BACE2: variants seen among roughly 807,000 people sequenced by gnomAD.
BACE2 encodes the protein beta-secretase 2.
In BACE2, 17 loss-of-function variants were observed where a neutral mutation model predicts 46.2. That is an observed-to-expected ratio of 0.37 (90% confidence interval 0.25 to 0.55). The LOEUF is 0.55. Among genes scored for constraint, BACE2 ranks in the 20% least tolerant of loss-of-function variants. The probability of loss-of-function intolerance (pLI) is 0.82; values close to 1 mark genes in which losing one functional copy is unlikely to be tolerated. For synonymous variants in BACE2, 277 were observed against 295.9 expected (o/e 0.94, Z 0.66); for missense variants, 595 against 698.1 (o/e 0.85, Z 1.66).
intron 8 of BACE2, 121 bp from the exon 9 acceptor site, chr21:41,275,250 C>A: frequency 7.1e-7 from 1 of 1,404,950 alleles, no homozygotes; most frequent in Non-Finnish European, 9.8e-7. Flanking sequence ...GCTGTCTAAG[C>A]CACTGGGACC....
At chr21:41,275,109 G>A (rs2088471381) in intron 8 of BACE2, among the ~76,000 whole-genome samples, 3 of 152,134 alleles carry the variant, frequency 2.0e-5, no homozygotes, top group Admixed American at 1.3e-4. Context: ...GCTTCCATAT[G>A]TGCCCTGCTG....
intron 8 of BACE2, among the ~76,000 whole-genome samples, chr21:41,258,513 A>C (rs1475740575): frequency 6.6e-6 from 1 of 152,210 alleles, no homozygotes; most frequent in Non-Finnish European, 1.5e-5. Context: ...CAGGAGGGAG[A>C]GATTTCAGTT....
intron 1 of BACE2, among the ~76,000 whole-genome samples, chr21:41,211,242 T>G (rs1007739156): frequency 6.7e-6 from 1 of 148,564 alleles, no homozygotes; most frequent in Non-Finnish European, 1.5e-5. Flanking sequence ...AGCCCAGGTA[T>G]CCATGTGTCT....
chr21:41,240,892 T>C (rs1020954440), intron 3 of BACE2, among the ~76,000 whole-genome samples: 1 of 152,208 alleles, frequency 6.6e-6, no homozygotes, highest in South Asian at 2.1e-4. Flanking sequence ...GTTTTAGTTC[T>C]CACGGATAGT....
At chr21:41,209,117 A>T (rs1006502197) in intron 1 of BACE2, among the ~76,000 whole-genome samples, 1 of 152,178 alleles carries the variant, frequency 6.6e-6, no homozygotes, top group African/African-American at 2.4e-5. Context: ...TGCTGAACAC[A>T]CCGCCAGGCC....
chr21:41,189,543 C>T (rs1049973806), intron 1 of BACE2, among the ~76,000 whole-genome samples: 1 of 152,080 alleles, frequency 6.6e-6, no homozygotes, highest in African/African-American at 2.4e-5. Context: ...TTTCTGCTTC[C>T]TGCTTTTTAT....
In BACE2 at chr21:41,193,359, G is replaced by A. The variant is rs1490566158; in HGVS notation, c.312+24784G>A. Among the ~76,000 whole-genome samples, 2 of 152,218 alleles carry A rather than the reference G, an allele frequency of 1.3e-5. No homozygotes were observed. Among genetic ancestry groups the A allele is most frequent in the Admixed American group, 6.5e-5 (1 of 15,286 alleles). ...TTGCTCAAGCAATGAAACCACATCT[G>A]GTACAGCAGCTGCAATTGGAGTCAC... On this transcript the variant is annotated intron_variant, in intron 1 of 8. Transcript: ENST00000330333. This position sits in a 1 kb window ranked among gnomAD's most constrained non-coding sequence, Gnocchi z 4.2.
At chr21:41,203,558 A>C (rs1986029695) in intron 1 of BACE2, among the ~76,000 whole-genome samples, 1 of 152,096 alleles carries the variant, frequency 6.6e-6, no homozygotes, top group South Asian at 2.1e-4. Flanking sequence ...GGAAACGCCA[A>C]ATGGAGATGC....
At chr21:41,244,463 G>GGGC (rs202034556) in intron 5 of BACE2, among the ~76,000 whole-genome samples, 2,096 of 152,244 alleles carry the variant, frequency 0.014, 46 homozygotes, top group African/African-American at 0.045. Flanking sequence ...GCCAGGGTGG[G>GGGC]GGTCACAAGG....
At chr21:41,189,757 G>A (rs1005416173) in intron 1 of BACE2, among the ~76,000 whole-genome samples, 1 of 152,132 alleles carries the variant, frequency 6.6e-6, no homozygotes, top group African/African-American at 2.4e-5. Flanking sequence ...GTTCTGTAGG[G>A]GAACAGAATA....
At chr21:41,240,899 T>C (rs543400182) in intron 3 of BACE2, among the ~76,000 whole-genome samples, 1 of 152,320 alleles carries the variant, frequency 6.6e-6, no homozygotes, top group East Asian at 1.9e-4. Context: ...TTCTCACGGA[T>C]AGTAAATAAT....
At chr21:41,264,919 G>A (rs551445592) in intron 8 of BACE2, among the ~76,000 whole-genome samples, 5 of 152,304 alleles carry the variant, frequency 3.3e-5, no homozygotes, top group Admixed American at 1.3e-4. Flanking sequence ...AGGAGGTCAA[G>A]GCTGCAGAGA....
At position 41,275,655 on chromosome 21, in the gene BACE2, A is replaced by G; in HGVS notation, c.*31A>G. 6.2e-7 allele frequency: 1 copy of G among 1,606,678 alleles called. No individual in the cohort carries two copies. Among genetic ancestry groups the G allele is most frequent in the Non-Finnish European group, 8.5e-7 (1 of 1,175,028 alleles). ...CAGGCCTGACCTCAAGCAACCATGA[A>G]CTCAGCTATTAAGAAAATCACATTT... On this transcript the variant is annotated 3_prime_UTR_variant, in exon 9 of 9. Coordinates refer to ENST00000330333, the MANE Select transcript of BACE2 (RefSeq NM_012105.5).
intron 7 of BACE2, among the ~76,000 whole-genome samples, chr21:41,252,896 G>A (rs1365027436): frequency 6.7e-6 from 1 of 149,092 alleles, no homozygotes; most frequent in African/African-American, 2.5e-5. Context: ...AAAGCTCCAG[G>A]AGAAATTCAG....
At chr21:41,249,532 C>T (rs1271374821) in intron 6 of BACE2, among the ~76,000 whole-genome samples, 1 of 152,216 alleles carries the variant, frequency 6.6e-6, no homozygotes. Context: ...CCCTCCCCAC[C>T]TCATCTCCCA....
intron 5 of BACE2, among the ~76,000 whole-genome samples, chr21:41,245,100 C>T (rs908231069): frequency 2.0e-5 from 3 of 152,060 alleles, no homozygotes; most frequent in South Asian, 2.1e-4. Context: ...TTTATGAACA[C>T]GCTAAGTTAG....
chr21:41,192,463 G>A (rs183018738), intron 1 of BACE2, among the ~76,000 whole-genome samples: 2 of 152,310 alleles, frequency 1.3e-5, no homozygotes, highest in East Asian at 3.9e-4. Context: ...CCCAGTTCAT[G>A]ATAGTTCAGG....
At chr21:41,186,276 T>C (rs1028937320) in intron 1 of BACE2, 1 of 152,222 alleles carries the variant, frequency 6.6e-6, no homozygotes, top group African/African-American at 2.4e-5. Context: ...GCTGGCTCGT[T>C]AGAGCAGTGG....
At chr21:41,169,884 C>T (rs1601233266) in intron 1 of BACE2, among the ~76,000 whole-genome samples, 1 of 152,182 alleles carries the variant, frequency 6.6e-6, no homozygotes, top group South Asian at 2.1e-4. Flanking sequence ...GAATAGGAAT[C>T]CCCATCAGCT....
Sources: allele counts gnomAD v4.1 joint callset (sites outside exome capture counted in the v4.1 genomes callset), GRCh38; gene constraint gnomAD v4.1.1; non-coding constraint Gnocchi (gnomAD v3.1); transcripts MANE v1.5; gene names NCBI Gene and HGNC (gene_info 2026-07-23, HGNC 2026-07-21).